ZC3H10: variants seen among roughly 807,000 people sequenced by gnomAD.
ZC3H10 encodes the protein zinc finger CCCH domain-containing protein 10.
ZC3H10 carries 12 observed loss-of-function variants against 24.3 expected under a neutral mutation model. The observed-to-expected ratio is 0.49, with a 90% confidence interval of 0.32 to 0.80. ZC3H10 has a LOEUF of 0.80. ZC3H10 is among the 30% of genes least tolerant of loss of function. ZC3H10 has a pLI of 0.04. For missense variants in ZC3H10, 360 were observed against 576.3 expected (o/e 0.62, Z 3.84); for synonymous variants, 226 against 217.0 (o/e 1.04, Z -0.36).
chr12:56,122,383 T>C lies in ZC3H10; in HGVS notation c.*516T>C. On this transcript the variant is annotated 3_prime_UTR_variant, in exon 3 of 3. Transcript: ENST00000257940. ...CTGGGCCCTGGGAAAGCTGGGACCA[T>C]AGTGCTCCAGCCCAAAGACTAGGGG... The C allele has an allele frequency of 5.9e-6, 1 of 168,794 alleles. No individual in the cohort carries two copies. The allele number at this position is 168,794 out of a possible 1,614,324, so 10.5% of individuals were successfully genotyped here.
chr12:56,120,880 G>A lies in ZC3H10; in HGVS notation c.318G>A (p.Lys106=). 1.2e-6 allele frequency: 2 copies of A among 1,614,164 alleles called. No individual in the cohort carries two copies. The highest frequency in any genetic ancestry group is 1.7e-6 in the Non-Finnish European group (2 of 1,180,026). Reference sequence around the variant, plus strand: ...CCAAGGAGGATGAGGATGGCTATAAGAAGACAGGAGAGCTTCCCCCACGGC... The same window carrying A: ...CCAAGGAGGATGAGGATGGCTATAAAAAGACAGGAGAGCTTCCCCCACGGC... ...HGSKEDEDGY[K]KTGELPPRLR... is the part of the protein sequence containing the mutation. Residue 106 remains lysine (K), a synonymous_variant, in exon 3 of 3, where the codon AAG becomes AAA. Coordinates refer to ENST00000257940, the MANE Select transcript of ZC3H10 (RefSeq NM_032786.3).
At position 56,121,389 on chromosome 12, in the gene ZC3H10, G is replaced by A. The variant is rs751191460; in HGVS notation, c.827G>A (p.Arg276His). 34 of 1,613,932 alleles carry A rather than the reference G, an allele frequency of 2.1e-5. No homozygotes were observed. Among genetic ancestry groups the A allele is most frequent in the South Asian group, 5.5e-5 (5 of 91,088 alleles). The change falls in exon 3 of 3, where the codon CGC (arginine) becomes CAC (histidine). Residue 276 changes from arginine (R) to histidine (H), a missense_variant. Arg to His is a conservative substitution (Grantham distance 29, BLOSUM62 0). Coordinates refer to ENST00000257940, the MANE Select transcript of ZC3H10 (RefSeq NM_032786.3). The surrounding 1 kb of genome is among the most constrained non-coding windows in gnomAD (Gnocchi z 6.2). ...EVLLEQNAQF[R>H]NQAKVITLSS... ...CTACTGGAACAAAATGCTCAGTTCCGCAATCAGGCCAAGGTCATAACCCTG... is the reference window on the plus strand; with the variant it reads ...CTACTGGAACAAAATGCTCAGTTCCACAATCAGGCCAAGGTCATAACCCTG...
Position 56,121,262 on chromosome 12 carries a change from G to A in ZC3H10, c.700G>A (p.Gly234Arg). The A allele has an allele frequency of 6.2e-7, 1 of 1,613,358 alleles. No homozygotes were observed. The change falls in exon 3 of 3, where the codon GGG becomes AGG. Residue 234 changes from glycine (G) to arginine (R), a missense_variant. Coordinates refer to ENST00000257940, the MANE Select transcript of ZC3H10 (RefSeq NM_032786.3). This position sits in a 1 kb window ranked among gnomAD's most constrained non-coding sequence, Gnocchi z 6.2. ...TGAATATAGTTTGGCTCCACCGCGA[G>A]GGGTGGAGTGCAGACTGCTAGAGGA... ...SYEYSLAPPR[G>R]VECRLLEEEN...
In ZC3H10 at chr12:56,124,886, C is replaced by CA. The variant is rs985321727; in HGVS notation, c.*3026dup. 3.3e-5 allele frequency: 5 copies of CA among 152,106 alleles called. No homozygotes were observed. Among genetic ancestry groups the CA allele is most frequent in the East Asian group, 1.9e-4 (1 of 5,190 alleles). 9.4% of individuals were successfully genotyped at this position (152,106 alleles called of 1,614,324 possible). ...ACAAACTGGGACTTCCAGTTGGCTG[C>CA]AAAAAAATAGAATCTTAGCCCTCAA... On this transcript the variant is annotated 3_prime_UTR_variant, in exon 3 of 3. Transcript: ENST00000257940.
chr12:56,121,180 C>T lies in ZC3H10; in HGVS notation c.618C>T (p.Gly206=). The change falls in exon 3 of 3, where the codon GGC becomes GGT. Residue 206 remains glycine (G), a synonymous_variant. Transcript: ENST00000257940. This position sits in a 1 kb window ranked among gnomAD's most constrained non-coding sequence, Gnocchi z 6.2. ...GGGGCTTTGAGGACCATGAGCCAGG[C>T]CCAAAACGCCGGCGAGGTGGATGCT... ...PDRGFEDHEP[G]PKRRRGGCCP... The T allele has an allele frequency of 6.2e-7, 1 of 1,614,128 alleles. No individual in the cohort carries two copies. Among genetic ancestry groups the T allele is most frequent in the Non-Finnish European group, 8.5e-7 (1 of 1,180,020 alleles).
At position 56,126,746 on chromosome 12, in the gene ZC3H10, G is replaced by C. The variant is rs1870007202; in HGVS notation, c.*4879G>C. Reference sequence around the variant, plus strand: ...TTCCCTTTTCTACCTGCTTACCTCTGGGAATATGGAGGATATAGGAGACAG... The same window carrying C: ...TTCCCTTTTCTACCTGCTTACCTCTCGGAATATGGAGGATATAGGAGACAG... On this transcript the variant is annotated 3_prime_UTR_variant, in exon 3 of 3. Coordinates refer to ENST00000257940, the MANE Select transcript of ZC3H10 (RefSeq NM_032786.3). 6.6e-6 allele frequency: 1 copy of C among 152,240 alleles called. No individual in the cohort carries two copies. The highest frequency in any genetic ancestry group is 3.4e-3 in the Middle Eastern group (1 of 294). The allele number at this position is 152,240 out of a possible 1,614,324, so 9.4% of individuals were successfully genotyped here.
At position 56,121,624 on chromosome 12, in the gene ZC3H10, A is replaced by G. The variant is rs1381432287; in HGVS notation, c.1062A>G (p.Pro354=). 23 of 1,443,452 alleles carry G rather than the reference A, an allele frequency of 1.6e-5. No individual in the cohort carries two copies. The highest frequency in any genetic ancestry group is 3.4e-5 in the African/African-American group (2 of 58,694). The allele number at this position is 1,443,452 out of a possible 1,614,324, so 89.4% of individuals were successfully genotyped here. A position where few individuals can be genotyped will look rare whatever the true frequency, so the allele number is the denominator to read the frequency against. The change falls in exon 3 of 3, where the codon CCA becomes CCG. Residue 354 remains proline (P), a synonymous_variant. Transcript: ENST00000257940. The surrounding 1 kb of genome is among the most constrained non-coding windows in gnomAD (Gnocchi z 6.2). ...CACCTCCTGCTGCTCCACCACCCCC[A>G]CCCCCACACTTGACCCCAGAGATCA... ...NAAPPAAPPP[P]PPHLTPEITP...
chr12:56,125,680 A>G lies in ZC3H10; in HGVS notation c.*3813A>G, dbSNP rs1869970829. 6.6e-6 allele frequency: 1 copy of G among 152,250 alleles called. No homozygotes were observed. The highest frequency in any genetic ancestry group is 1.5e-5 in the Non-Finnish European group (1 of 68,058). 9.4% of individuals were successfully genotyped at this position (152,250 alleles called of 1,614,324 possible). ...AAAGTAACCTGCCCAGGGTTCTGCAAGTAAGGAATGGGGCCAGGAATCTAT... is the reference window on the plus strand; with the variant it reads ...AAAGTAACCTGCCCAGGGTTCTGCAGGTAAGGAATGGGGCCAGGAATCTAT... On this transcript the variant is annotated 3_prime_UTR_variant, in exon 3 of 3. Transcript: ENST00000257940.
chr12:56,122,511 A>G lies in ZC3H10; in HGVS notation c.*644A>G, dbSNP rs1466737436. The G allele has an allele frequency of 6.0e-6, 1 of 166,924 alleles. No homozygotes were observed. Among genetic ancestry groups the G allele is most frequent in the African/African-American group, 2.4e-5 (1 of 41,456 alleles). The allele number at this position is 166,924 out of a possible 1,614,324, so 10.3% of individuals were successfully genotyped here. A position where few individuals can be genotyped will look rare whatever the true frequency, so the allele number is the denominator to read the frequency against. ...ATTTTTAACAAATGGAGGCAGTGAAAACTTGCTTAGCTATTCTGTGTGGAA... is the reference window on the plus strand; with the variant it reads ...ATTTTTAACAAATGGAGGCAGTGAAGACTTGCTTAGCTATTCTGTGTGGAA... On this transcript the variant is annotated 3_prime_UTR_variant, in exon 3 of 3. Transcript: ENST00000257940.
rs1869826709 is a variant in ZC3H10, at chr12:56,121,489, T to C, written c.927T>C (p.Ile309=). The part of the protein sequence containing the change: ...VGTVATFNHG[I]AQTHTTLSSQ... The stretch of plus-strand genomic sequence containing the variant: ...CTGTTGCCACTTTTAACCATGGCAT[T>C]GCCCAGACTCACACTACTCTCAGCA... Residue 309 remains isoleucine (I), a synonymous_variant, in exon 3 of 3, where the codon ATT becomes ATC. Coordinates refer to ENST00000257940, the MANE Select transcript of ZC3H10 (RefSeq NM_032786.3). This position sits in a 1 kb window ranked among gnomAD's most constrained non-coding sequence, Gnocchi z 6.2. 1 of 1,612,188 alleles carries C rather than the reference T, an allele frequency of 6.2e-7. No homozygotes were observed. The highest frequency in any genetic ancestry group is 1.3e-5 in the African/African-American group (1 of 74,854).
Position 56,120,793 on chromosome 12 carries a change from C to T in ZC3H10, c.231C>T (p.Ile77=), listed in dbSNP as rs757301467. ...SNLGVSKNEF[I]FCHDFQNKEC... Reference sequence around the variant, plus strand: ...TGGGGGTGAGCAAAAACGAGTTCATCTTCTGCCATGACTTCCAGAACAAGG... The same window carrying T: ...TGGGGGTGAGCAAAAACGAGTTCATTTTCTGCCATGACTTCCAGAACAAGG... The change falls in exon 3 of 3, where the codon ATC becomes ATT. Residue 77 remains isoleucine (I), a synonymous_variant. Coordinates refer to ENST00000257940, the MANE Select transcript of ZC3H10 (RefSeq NM_032786.3). 30 of 1,614,068 alleles carry T rather than the reference C, an allele frequency of 1.9e-5. No individual in the cohort carries two copies. The highest frequency in any genetic ancestry group is 2.5e-5 in the Non-Finnish European group (30 of 1,180,050).
At position 56,127,440 on chromosome 12, in the gene ZC3H10, C is replaced by T. The variant is rs1039079459; in HGVS notation, c.*5573C>T. The T allele has an allele frequency of 6.6e-6, 1 of 152,222 alleles. No individual in the cohort carries two copies. The highest frequency in any genetic ancestry group is 1.5e-5 in the Non-Finnish European group (1 of 68,040). 9.4% of individuals were successfully genotyped at this position (152,222 alleles called of 1,614,324 possible). A position where few individuals can be genotyped will look rare whatever the true frequency, so the allele number is the denominator to read the frequency against. On this transcript the variant is annotated 3_prime_UTR_variant, in exon 3 of 3. Transcript: ENST00000257940. Reference sequence around the variant, plus strand: ...CTTTTGGAGCCAACTAGTCTTACATCCATCCTCTAAGATAGAGATGACTTA... The same window carrying T: ...CTTTTGGAGCCAACTAGTCTTACATTCATCCTCTAAGATAGAGATGACTTA...
chr12:56,121,914 C>A lies in ZC3H10; in HGVS notation c.*47C>A. On this transcript the variant is annotated 3_prime_UTR_variant, in exon 3 of 3. Coordinates refer to ENST00000257940, the MANE Select transcript of ZC3H10 (RefSeq NM_032786.3). The surrounding 1 kb of genome is among the most constrained non-coding windows in gnomAD (Gnocchi z 6.2). Reference sequence around the variant, plus strand: ...TGGTATAGCCTCGCAGGGCTGGGGTCAGGGGGCCCTTGCCCACTCACCTAG... The same window carrying A: ...TGGTATAGCCTCGCAGGGCTGGGGTAAGGGGGCCCTTGCCCACTCACCTAG... 2 of 1,531,358 alleles carry A rather than the reference C, an allele frequency of 1.3e-6. No individual in the cohort carries two copies. Among genetic ancestry groups the A allele is most frequent in the South Asian group, 2.6e-5 (2 of 78,110 alleles). 94.9% of individuals were successfully genotyped at this position (1,531,358 alleles called of 1,614,324 possible).
In ZC3H10 at chr12:56,121,639, C is replaced by A. The variant is rs1213403017; in HGVS notation, c.1077C>A (p.Thr359=). 1.2e-6 allele frequency: 2 copies of A among 1,613,542 alleles called. No individual in the cohort carries two copies. The highest frequency in any genetic ancestry group is 1.3e-5 in the African/African-American group (1 of 74,870). The change falls in exon 3 of 3, where the codon ACC becomes ACA. Residue 359 remains threonine, a synonymous_variant. Coordinates refer to ENST00000257940, the MANE Select transcript of ZC3H10 (RefSeq NM_032786.3). This position sits in a 1 kb window ranked among gnomAD's most constrained non-coding sequence, Gnocchi z 6.2. ...AAPPPPPPHL[T]PEITPLSAAL... ...CACCACCCCCACCCCCACACTTGAC[C>A]CCAGAGATCACGCCACTGTCAGCTG...
In ZC3H10 at chr12:56,127,109, T is replaced by G. The variant is rs1870018906; in HGVS notation, c.*5242T>G. 6.6e-6 allele frequency: 1 copy of G among 152,146 alleles called. No individual in the cohort carries two copies. Among genetic ancestry groups the G allele is most frequent in the African/African-American group, 2.4e-5 (1 of 41,408 alleles). The allele number at this position is 152,146 out of a possible 1,614,324, so 9.4% of individuals were successfully genotyped here. ...AAGGTAATCATCTTATGACCAACAC[T>G]TCCCTCATCAACTTCCAATTAGTCT... On this transcript the variant is annotated 3_prime_UTR_variant, in exon 3 of 3. Coordinates refer to ENST00000257940, the MANE Select transcript of ZC3H10 (RefSeq NM_032786.3).
chr12:56,126,013 ACTC>A lies in ZC3H10; in HGVS notation c.*4149_*4151del, dbSNP rs1869981772. On this transcript the variant is annotated 3_prime_UTR_variant, in exon 3 of 3. Coordinates refer to ENST00000257940, the MANE Select transcript of ZC3H10 (RefSeq NM_032786.3). Reference sequence around the variant, plus strand: ...GCCATGTTGGCCAGGCTGGTCTTGAACTCCTGACCTCAGGTGATCCAACTGCCT... The same window carrying A: ...GCCATGTTGGCCAGGCTGGTCTTGAACTGACCTCAGGTGATCCAACTGCCT... 2 of 151,014 alleles carry A rather than the reference ACTC, an allele frequency of 1.3e-5. No individual in the cohort carries two copies. The highest frequency in any genetic ancestry group is 2.4e-5 in the African/African-American group (1 of 40,932). The allele number at this position is 151,014 out of a possible 1,614,324, so 9.4% of individuals were successfully genotyped here.
Position 56,121,883 on chromosome 12 carries a change from C to A in ZC3H10, c.*16C>A. 1 of 1,589,552 alleles carries A rather than the reference C, an allele frequency of 6.3e-7. No individual in the cohort carries two copies. Among genetic ancestry groups the A allele is most frequent in the Admixed American group, 1.7e-5 (1 of 58,670 alleles). ...GCCACACTGATGGGGCTAATGGACA[C>A]TCCCCTGGTATAGCCTCGCAGGGCT... On this transcript the variant is annotated 3_prime_UTR_variant, in exon 3 of 3. Coordinates refer to ENST00000257940, the MANE Select transcript of ZC3H10 (RefSeq NM_032786.3). This position sits in a 1 kb window ranked among gnomAD's most constrained non-coding sequence, Gnocchi z 6.2.
intron 2 of ZC3H10, chr12:56,120,289 C>T (rs1869770019): frequency 1.0e-6 from 1 of 985,350 alleles, no homozygotes. Context: ...CTGGGCCTAT[C>T]CCTCCTCCGT....
intron 2 of ZC3H10, chr12:56,120,085 G>A: frequency 2.5e-6 from 1 of 393,654 alleles, no homozygotes; most frequent in Non-Finnish European, 3.5e-6. Flanking sequence ...AGGAAAGGGG[G>A]TTAAGGAAGT....
Sources: gnomAD v4.1 joint callset for allele counts on GRCh38, gnomAD v4.1.1 for gene constraint, Gnocchi (gnomAD v3.1) non-coding constraint, MANE v1.5 for transcripts, NCBI Gene and HGNC (gene_info 2026-07-23, HGNC 2026-07-21) for gene names.